Variants in PRMT2 observed in about 807,000 individuals in gnomAD.
PRMT2 encodes the protein protein arginine methyltransferase 2.
In PRMT2, 26 loss-of-function variants were observed where a neutral mutation model predicts 57.6. The observed-to-expected ratio is 0.45, with a 90% CI of 0.33 to 0.63. The LOEUF (loss-of-function observed/expected upper bound fraction) is 0.63, where lower values mean the gene tolerates loss of function less well. Ranked by LOEUF, PRMT2 falls within the 20% of genes least tolerant of loss-of-function variation. The pLI, the probability that PRMT2 is intolerant of heterozygous loss-of-function variation, is 0.02. For synonymous variants in PRMT2, 219 were observed against 220.0 expected (o/e 1.00, Z 0.04); for missense variants, 472 against 564.4 (o/e 0.84, Z 1.66).
At chr21:46,659,169 G>A (rs1044116515) in intron 8 of PRMT2, 3 of 1,234,206 alleles carry the variant, frequency 2.4e-6, no homozygotes, top group Non-Finnish European at 3.1e-6. Flanking sequence ...GTGGCATTAC[G>A]ATTAGGAGGG....
At chr21:46,647,810 C>G (rs1487085347) in intron 5 of PRMT2, among the ~76,000 whole-genome samples, 3 of 152,226 alleles carry the variant, frequency 2.0e-5, no homozygotes, top group Non-Finnish European at 4.4e-5. Flanking sequence ...CAGTTCCCTT[C>G]GCGTTGATGT....
intron 3 of PRMT2, among the ~76,000 whole-genome samples, chr21:46,640,631 C>T (rs182934808): frequency 6.1e-4 from 93 of 151,486 alleles, no homozygotes; most frequent in South Asian, 1.7e-3. Flanking sequence ...TTAGTAGAGA[C>T]GGGGTTTCAC....
rs2061425265 is a variant in PRMT2, at chr21:46,649,983, A to G, written c.654+244A>G. On this transcript the variant is annotated intron_variant, in intron 7 of 11. Transcript: ENST00000355680. This position sits in a 1 kb window ranked among gnomAD's most constrained non-coding sequence, Gnocchi z 4.8. Reference sequence around the variant, plus strand: ...CATGTAACATTTTCATGAGTGATTTACATGAACTGTGTTCTCCTCGGGGAT... The same window carrying G: ...CATGTAACATTTTCATGAGTGATTTGCATGAACTGTGTTCTCCTCGGGGAT... The G allele has an allele frequency of 2.1e-6, 3 of 1,427,986 alleles. No homozygotes were observed. The African/African-American group carries it at 4.3e-5, about 21-fold the overall frequency. The allele number at this position is 1,427,986 out of a possible 1,614,324, so 88.5% of individuals were successfully genotyped here. A position where few individuals can be genotyped will look rare whatever the true frequency, so the allele number is the denominator to read the frequency against.
chr21:46,654,636 C>A (rs2061514301), intron 7 of PRMT2, among the ~76,000 whole-genome samples: 1 of 152,130 alleles, frequency 6.6e-6, no homozygotes, highest in South Asian at 2.1e-4. Flanking sequence ...AATAACAATA[C>A]AACAATAAAC....
chr21:46,643,720 C>T (rs1389362522), intron 4 of PRMT2, 81 bp downstream of exon 4: 15 of 1,475,560 alleles, frequency 1.0e-5, no homozygotes, highest in Non-Finnish European at 1.4e-5. Context: ...AGACGTCACA[C>T]CAAAGTTAAA....
At chr21:46,658,470 G>A (rs995332607) in intron 7 of PRMT2, 2 of 391,102 alleles carry the variant, frequency 5.1e-6, no homozygotes, top group Admixed American at 4.5e-5. Context: ...TGGGACAAGA[G>A]TGAAGATTTG....
chr21:46,659,763 G>A, intron 8 of PRMT2: 1 of 985,416 alleles, frequency 1.0e-6, no homozygotes, highest in Non-Finnish European at 1.2e-6. Context: ...TCCCGGCACT[G>A]GAAGCCAGTG....
In PRMT2 at chr21:46,649,396, C is replaced by A. The variant is rs2061415288; in HGVS notation, c.490-179C>A. On this transcript the variant is annotated intron_variant, in intron 6 of 11. Coordinates refer to ENST00000355680, the MANE Select transcript of PRMT2 (RefSeq NM_206962.4). The surrounding 1 kb of genome is among the most constrained non-coding windows in gnomAD (Gnocchi z 4.8). ...GCAGTTGGGAGGGTTAGAGGCGGCTCCTTTCTGGGTGCCCCTGGAGGGGCA... is the reference window on the plus strand; with the variant it reads ...GCAGTTGGGAGGGTTAGAGGCGGCTACTTTCTGGGTGCCCCTGGAGGGGCA... The A allele has an allele frequency of 2.2e-6, 2 of 929,236 alleles. No individual in the cohort carries two copies. Among genetic ancestry groups the A allele is most frequent in the Non-Finnish European group, 3.4e-6 (2 of 591,646 alleles). 57.6% of individuals were successfully genotyped at this position (929,236 alleles called of 1,614,324 possible). A position where few individuals can be genotyped will look rare whatever the true frequency, so the allele number is the denominator to read the frequency against.
chr21:46,645,551 A>G (rs2061351671), intron 5 of PRMT2, among the ~76,000 whole-genome samples: 3 of 152,340 alleles, frequency 2.0e-5, no homozygotes, highest in Middle Eastern at 3.4e-3. Flanking sequence ...CCGATGGTCC[A>G]GGCAACAATC....
chr21:46,661,477 T>G (rs1601955968), intron 9 of PRMT2: 6 of 191,996 alleles, frequency 3.1e-5, no homozygotes, highest in Non-Finnish European at 5.3e-5. Context: ...CCGGCGCGCT[T>G]TGGTTTTTAG....
Position 46,649,529 on chromosome 21 carries a change from C to T in PRMT2, c.490-46C>T. 6.2e-7 allele frequency: 1 copy of T among 1,613,126 alleles called. No individual in the cohort carries two copies. The highest frequency in any genetic ancestry group is 8.5e-7 in the Non-Finnish European group (1 of 1,179,890). Reference sequence around the variant, plus strand: ...GTGACTCAGGAGAGTAGATGACGGGCCGTGTGCCGGCCGGATGTACGCTGA... The same window carrying T: ...GTGACTCAGGAGAGTAGATGACGGGTCGTGTGCCGGCCGGATGTACGCTGA... On this transcript the variant is annotated intron_variant, in intron 6 of 11. Coordinates refer to ENST00000355680, the MANE Select transcript of PRMT2 (RefSeq NM_206962.4). The surrounding 1 kb of genome is among the most constrained non-coding windows in gnomAD (Gnocchi z 4.8).
chr21:46,649,776 T>TG lies in PRMT2; in HGVS notation c.654+43dup, dbSNP rs764248006. 6.3e-6 allele frequency: 10 copies of TG among 1,596,988 alleles called. No individual in the cohort carries two copies. The highest frequency in any genetic ancestry group is 1.1e-5 in the South Asian group (1 of 89,166). ...CGTGCGGGCAGCTGGGGGCCGGAGC[T>TG]GGGGGGCTTCTGAGCACGGGCTCGG... On this transcript the variant is annotated intron_variant, in intron 7 of 11. Coordinates refer to ENST00000355680, the MANE Select transcript of PRMT2 (RefSeq NM_206962.4). This position sits in a 1 kb window ranked among gnomAD's most constrained non-coding sequence, Gnocchi z 4.8.
At chr21:46,654,696 C>G (rs1391265485) in intron 7 of PRMT2, among the ~76,000 whole-genome samples, 1 of 152,138 alleles carries the variant, frequency 6.6e-6, no homozygotes, top group Non-Finnish European at 1.5e-5. Context: ...TTACATAACA[C>G]TGACATTGTA....
chr21:46,652,891 C>T (rs779467101), intron 7 of PRMT2: 21 of 1,302,814 alleles, frequency 1.6e-5, no homozygotes, highest in African/African-American at 7.6e-5. Context: ...CCACGATTTC[C>T]GAGAAGCAGG....
intron 2 of PRMT2, 141 bp downstream of exon 2, chr21:46,636,688 G>C (rs1036937057): frequency 1.2e-5 from 6 of 481,336 alleles, no homozygotes; most frequent in South Asian, 2.9e-5. Flanking sequence ...TTGCAGACTA[G>C]TGAAGAAAAC....
intron 7 of PRMT2, among the ~76,000 whole-genome samples, chr21:46,655,329 C>T (rs1337682469): frequency 6.6e-6 from 1 of 151,932 alleles, no homozygotes. Flanking sequence ...AAATTTAAAC[C>T]AGCAGGATAT....
intron 8 of PRMT2, chr21:46,660,265 G>A (rs796312833): frequency 2.8e-5 from 18 of 639,300 alleles, no homozygotes; most frequent in Middle Eastern, 7.9e-4. Context: ...GGGGCCATGC[G>A]GCGTCTAGTG....
chr21:46,651,990 C>G, intron 7 of PRMT2: 1 of 1,613,258 alleles, frequency 6.2e-7, no homozygotes, highest in Non-Finnish European at 8.5e-7. Context: ...CTCTCCTGGC[C>G]CATCTTCCTA....
chr21:46,640,655 C>G (rs546413602), intron 3 of PRMT2, among the ~76,000 whole-genome samples: 1 of 151,154 alleles, frequency 6.6e-6, no homozygotes, highest in Non-Finnish European at 1.5e-5. Context: ...CTTGGCCAGG[C>G]TGGTCTCAAA....
Sources: allele counts gnomAD v4.1 joint callset (sites outside exome capture counted in the v4.1 genomes callset), GRCh38; gene constraint gnomAD v4.1.1; non-coding constraint Gnocchi (gnomAD v3.1); transcripts MANE v1.5; gene names NCBI Gene and HGNC (gene_info 2026-07-23, HGNC 2026-07-21).